Variants in C1orf167 observed in about 807,000 individuals in gnomAD.
C1orf167 encodes the protein chromosome 1 open reading frame 167, also known as uncharacterized protein C1orf167.
C1orf167 carries 153 observed loss-of-function variants against 176.5 expected under a neutral mutation model. That is an observed-to-expected ratio of 0.87 (90% CI 0.76 to 0.99). The LOEUF (loss-of-function observed/expected upper bound fraction) is 0.99. Among genes scored for constraint, C1orf167 ranks in the 50% least tolerant of loss-of-function variants. The pLI is 0.00. For synonymous variants in C1orf167, 594 were observed against 752.7 expected (o/e 0.79, Z 3.45); for missense variants, 1,490 against 1,817.7 (o/e 0.82, Z 3.28).
chr1:11,783,949 C>T (rs750949466), intron 14 of C1orf167, among the ~76,000 whole-genome samples: 6 of 152,328 alleles, frequency 3.9e-5, no homozygotes, highest in Non-Finnish European at 7.3e-5. Flanking sequence ...CCTCTGCCTC[C>T]TGGGTTCAGG....
chr1:11,771,724 G>A, intron 7 of C1orf167, 88 bp downstream of exon 7: 1 of 851,330 alleles, frequency 1.2e-6, no homozygotes, highest in South Asian at 1.4e-5. Flanking sequence ...GGGGGACCCT[G>A]GGCGAATGAA....
chr1:11,762,462 A>G (rs1407516592), intron 1 of C1orf167, among the ~76,000 whole-genome samples, 157 bp downstream of exon 1: 1 of 151,774 alleles, frequency 6.6e-6, no homozygotes, highest in African/African-American at 2.4e-5. Context: ...TGGACCGAAG[A>G]GCTCCGGCGT....
In C1orf167 at chr1:11,788,550, C is replaced by T. The variant is rs1643971611; in HGVS notation, c.4079-102C>T. 3 of 1,156,866 alleles carry T rather than the reference C, an allele frequency of 2.6e-6. No homozygotes were observed. In the South Asian group the frequency reaches 3.9e-5, roughly 15 times the overall value. The allele number at this position is 1,156,866 out of a possible 1,614,324, so 71.7% of individuals were successfully genotyped here. ...CAGATGACACCCCCTTGCCATAGCCCTTTCACTCTGGTGCAGCAGTGTCGG... is the reference window on the plus strand; with the variant it reads ...CAGATGACACCCCCTTGCCATAGCCTTTTCACTCTGGTGCAGCAGTGTCGG... On this transcript the variant is annotated intron_variant, in intron 19 of 20. Coordinates refer to ENST00000688073, the MANE Select transcript of C1orf167 (RefSeq NM_001010881.2).
chr1:11,769,671 G>A (rs1294044341), intron 6 of C1orf167, among the ~76,000 whole-genome samples: 2 of 99,826 alleles, frequency 2.0e-5, no homozygotes, highest in Non-Finnish European at 4.0e-5. Flanking sequence ...TGATGTTTAG[G>A]AAGTTTTTTT....
intron 20 of C1orf167, 70 bp downstream of exon 20, chr1:11,788,816 A>C (rs929008236): frequency 2.4e-6 from 3 of 1,261,080 alleles, no homozygotes; most frequent in African/African-American, 3.1e-5. Flanking sequence ...AGTCTGTGCC[A>C]CAGCCACGCA....
rs150493804 is a variant in C1orf167 at position 11,776,211 on chromosome 1, C to G, written c.2165-253C>G. ...GGCTGAGGTTGCAGTGAGCTGAGAT[C>G]GTGCCATTGCATTCCAGCCTGGGCG... On this transcript the variant is annotated intron_variant, in intron 9 of 20. Transcript: ENST00000688073. 2.2e-3 allele frequency among the ~76,000 whole-genome samples: 339 copies of G among 152,274 alleles called. 6 individuals are homozygous for G. The highest frequency in any genetic ancestry group is 7.8e-3 in the African/African-American group (323 of 41,560).
At chr1:11,780,042 G>A in intron 13 of C1orf167, 32 bp downstream of exon 13, 2 of 1,242,394 alleles carry the variant, frequency 1.6e-6, no homozygotes, top group Non-Finnish European at 2.1e-6. Flanking sequence ...GGCACTGCGG[G>A]TGAGGGCAGG....
At position 11,766,534 on chromosome 1, in the gene C1orf167, G is replaced by A. The variant is rs973990802; in HGVS notation, c.748G>A (p.Glu250Lys). The change falls in exon 3 of 21, where the codon GAG (glutamate) becomes AAG (lysine). Residue 250 changes from glutamate to lysine, a missense_variant. Transcript: ENST00000688073. This position sits in a 1 kb window ranked among gnomAD's most constrained non-coding sequence, Gnocchi z 4.5. ...LLASVHCLAQ[E>K]AARLRCQAPQ... ...GGCTTCTGTACATTGCCTGGCGCAGGAGGCAGCCCGACTCAGGTGCCAGGC... is the reference window on the plus strand; with the variant it reads ...GGCTTCTGTACATTGCCTGGCGCAGAAGGCAGCCCGACTCAGGTGCCAGGC... The A allele has an allele frequency of 3.2e-6, 4 of 1,250,522 alleles. No homozygotes were observed. The highest frequency in any genetic ancestry group is 3.1e-6 in the Non-Finnish European group (3 of 968,244). The allele number at this position is 1,250,522 out of a possible 1,614,324, so 77.5% of individuals were successfully genotyped here.
chr1:11,788,979 CGAA>C (rs751667642), intron 20 of C1orf167: 50 of 386,652 alleles, frequency 1.3e-4, no homozygotes, highest in Admixed American at 3.4e-4. Flanking sequence ...CATCAGTTTG[CGAA>C]GAAGGTGTGG....
intron 13 of C1orf167, among the ~76,000 whole-genome samples, chr1:11,780,532 C>A (rs1340176924): frequency 2.6e-5 from 4 of 152,216 alleles, no homozygotes; most frequent in African/African-American, 9.6e-5. Flanking sequence ...AATCCCTGCT[C>A]TTCCATACCC....
Position 11,780,020 on chromosome 1 carries a change from G to A in C1orf167, c.2860+10G>A. 7.9e-7 allele frequency: 1 copy of A among 1,266,416 alleles called. No homozygotes were observed. The highest frequency in any genetic ancestry group is 2.4e-5 in the Admixed American group (1 of 41,828). The allele number at this position is 1,266,416 out of a possible 1,614,324, so 78.4% of individuals were successfully genotyped here. A position where few individuals can be genotyped will look rare whatever the true frequency, so the allele number is the denominator to read the frequency against. On this transcript the variant is annotated intron_variant, in intron 13 of 20. Transcript: ENST00000688073. ...CACTCCTGTTGGCAGGGTGAGTGGA[G>A]ACTTGGTCGGGGGCACTGCGGGTGA...
rs1467361882 is a variant in C1orf167, at chr1:11,766,685, G to C, written c.899G>C (p.Arg300Pro). The stretch of plus-strand genomic sequence containing the variant: ...TCGGATGGGAGGAGGAGACGCCTTC[G>C]AGGCCACAGGGAAACTGCGGCTTTC... ...ASSDGRRRRL[R>P]GHRETAAFLE... The change falls in exon 3 of 21, where the codon CGA becomes CCA. Residue 300 changes from arginine to proline, a missense_variant. Arg to Pro is a moderately radical substitution (Grantham distance 103). Transcript: ENST00000688073. This position sits in a 1 kb window ranked among gnomAD's most constrained non-coding sequence, Gnocchi z 4.5. 3 of 1,289,702 alleles carry C rather than the reference G, an allele frequency of 2.3e-6. No homozygotes were observed. Among genetic ancestry groups the C allele is most frequent in the Non-Finnish European group, 3.0e-6 (3 of 988,838 alleles). The allele number at this position is 1,289,702 out of a possible 1,614,324, so 79.9% of individuals were successfully genotyped here.
intron 9 of C1orf167, 93 bp downstream of exon 9, chr1:11,775,703 G>C (rs1034523286): frequency 8.1e-7 from 1 of 1,228,158 alleles, no homozygotes; most frequent in Non-Finnish European, 1.1e-6. Flanking sequence ...CTTGTGGGAG[G>C]TGATAGAACT....
In C1orf167 at chr1:11,766,609, G is replaced by A. The variant is rs1226020020; in HGVS notation, c.823G>A (p.Gly275Ser). ...AVQQDLWTGG[G>S]QPFSAHPQPS... ...GCAGCAGGACCTCTGGACCGGCGGC[G>A]GCCAGCCATTCTCCGCCCACCCCCA... Residue 275 changes from glycine to serine, a missense_variant, in exon 3 of 21, where the codon GGC becomes AGC. Coordinates refer to ENST00000688073, the MANE Select transcript of C1orf167 (RefSeq NM_001010881.2). This position sits in a 1 kb window ranked among gnomAD's most constrained non-coding sequence, Gnocchi z 4.5. 7.0e-6 allele frequency: 9 copies of A among 1,280,110 alleles called. No homozygotes were observed. In the East Asian group the frequency reaches 2.2e-4, roughly 32 times the overall value. 79.3% of individuals were successfully genotyped at this position (1,280,110 alleles called of 1,614,324 possible). A position where few individuals can be genotyped will look rare whatever the true frequency, so the allele number is the denominator to read the frequency against.
In C1orf167 at chr1:11,766,529, C is replaced by T. The variant is rs534738879; in HGVS notation, c.743C>T (p.Ala248Val). 120 of 1,256,558 alleles carry T rather than the reference C, an allele frequency of 9.5e-5. 1 individual carries two copies. Among genetic ancestry groups the T allele is most frequent in the South Asian group, 9.0e-4 (68 of 75,592 alleles). The allele number at this position is 1,256,558 out of a possible 1,614,324, so 77.8% of individuals were successfully genotyped here. The part of the protein sequence containing the change: ...HQLLASVHCL[A>V]QEAARLRCQA... Reference sequence around the variant, plus strand: ...CTGCTGGCTTCTGTACATTGCCTGGCGCAGGAGGCAGCCCGACTCAGGTGC... The same window carrying T: ...CTGCTGGCTTCTGTACATTGCCTGGTGCAGGAGGCAGCCCGACTCAGGTGC... Residue 248 changes from alanine to valine, a missense_variant, in exon 3 of 21, where the codon GCG becomes GTG. By Grantham distance (64) the Ala-to-Val change is moderately conservative (BLOSUM62 0). Transcript: ENST00000688073. The surrounding 1 kb of genome is among the most constrained non-coding windows in gnomAD (Gnocchi z 4.5).
Position 11,769,050 on chromosome 1 carries a change from A to G in C1orf167, c.1620A>G (p.Arg540=). 1 of 985,856 alleles carries G rather than the reference A, an allele frequency of 1.0e-6. No homozygotes were observed. Among genetic ancestry groups the G allele is most frequent in the South Asian group, 4.7e-5 (1 of 21,280 alleles). The allele number at this position is 985,856 out of a possible 1,614,324, so 61.1% of individuals were successfully genotyped here. A position where few individuals can be genotyped will look rare whatever the true frequency, so the allele number is the denominator to read the frequency against. Residue 540 remains arginine, a synonymous_variant, in exon 6 of 21, where the codon AGA becomes AGG. Coordinates refer to ENST00000688073, the MANE Select transcript of C1orf167 (RefSeq NM_001010881.2). ...QAGPGSPPSR[R]AQGKGLSLGR... ...GGCCAGGGTCCCCGCCCTCCAGGAG[A>G]GCCCAGGGCAAAGGCCTCTCCTTGG...
chr1:11,781,244 C>T (rs1001935299), intron 13 of C1orf167, among the ~76,000 whole-genome samples: 52 of 151,992 alleles, frequency 3.4e-4, no homozygotes, highest in African/African-American at 1.2e-3. Flanking sequence ...GTGATCAACC[C>T]GCCTCGGCCT....
intron 8 of C1orf167, among the ~76,000 whole-genome samples, chr1:11,775,032 T>C (rs9792894): frequency 0.68 from 102,820 of 152,008 alleles, 35,595 homozygotes; most frequent in East Asian, 0.88. Flanking sequence ...AGCCTGTAAT[T>C]CCAGCACTTT....
rs532999024 is a variant in C1orf167 at position 11,771,600 on chromosome 1, G to A, written c.1774G>A (p.Glu592Lys). 8 of 1,289,730 alleles carry A rather than the reference G, an allele frequency of 6.2e-6. No individual in the cohort carries two copies. Among genetic ancestry groups the A allele is most frequent in the African/African-American group, 6.1e-5 (4 of 65,868 alleles). The allele number at this position is 1,289,730 out of a possible 1,614,324, so 79.9% of individuals were successfully genotyped here. A position where few individuals can be genotyped will look rare whatever the true frequency, so the allele number is the denominator to read the frequency against. The change falls in exon 7 of 21, where the codon GAG becomes AAG. Residue 592 changes from glutamate (E) to lysine (K), a missense_variant. Glu to Lys is a moderately conservative substitution (Grantham distance 56, BLOSUM62 1). Transcript: ENST00000688073. Reference sequence around the variant, plus strand: ...TAGGCAGAGAACAGACAGCAGACACGAGAGAGTCCAGATCCTGCAGGCCCT... The same window carrying A: ...TAGGCAGAGAACAGACAGCAGACACAAGAGAGTCCAGATCCTGCAGGCCCT... ...HPRQRTDSRH[E>K]RVQILQALQL...
Sources: allele counts gnomAD v4.1 joint callset (sites outside exome capture counted in the v4.1 genomes callset), GRCh38; gene constraint gnomAD v4.1.1; non-coding constraint Gnocchi (gnomAD v3.1); transcripts MANE v1.5; gene names NCBI Gene and HGNC (gene_info 2026-07-23, HGNC 2026-07-21).